BFAR: variants seen among roughly 807,000 people sequenced by gnomAD.
BFAR encodes RING finger protein 47.
Under a neutral mutation model 54.4 loss-of-function variants are expected in BFAR, and 52 were observed. The ratio of observed to expected loss-of-function variants is 0.96; its 90% CI spans 0.77 to 1.21. The LOEUF (loss-of-function observed/expected upper bound fraction) is 1.21. BFAR is among the 50% of genes most tolerant of loss of function. The probability of loss-of-function intolerance (pLI) is 0.00; values close to 1 mark genes in which losing one functional copy is unlikely to be tolerated. For missense variants in BFAR, 571 were observed against 534.0 expected (o/e 1.07, Z -0.68); for synonymous variants, 215 against 204.3 (o/e 1.05, Z -0.45).
intron 1 of BFAR, among the ~76,000 whole-genome samples, chr16:14,633,970 A>T (rs944747949): frequency 3.9e-5 from 6 of 152,198 alleles, no homozygotes; most frequent in East Asian, 3.9e-4. Context: ...GTCTTTTATT[A>T]AAAAAGCCGG....
At chr16:14,656,256 G>A (rs947305385) in intron 5 of BFAR, among the ~76,000 whole-genome samples, 3 of 152,050 alleles carry the variant, frequency 2.0e-5, no homozygotes, top group Admixed American at 1.3e-4. Flanking sequence ...GCTGGGCATG[G>A]TGGTTCACAA....
chr16:14,641,583 C>T (rs1030070484), intron 1 of BFAR, among the ~76,000 whole-genome samples: 11 of 150,924 alleles, frequency 7.3e-5, no homozygotes, highest in Admixed American at 6.0e-4. Flanking sequence ...CTATAGAGGC[C>T]GGACATGGTG....
chr16:14,654,927 C>T (rs998903037), intron 4 of BFAR, 139 bp from the exon 5 acceptor site: 3 of 874,184 alleles, frequency 3.4e-6, no homozygotes, highest in Admixed American at 2.8e-5. Flanking sequence ...TTATTTGCTG[C>T]TCTTGATGTT....
At chr16:14,656,037 C>T (rs1019719014) in intron 5 of BFAR, among the ~76,000 whole-genome samples, 1 of 151,968 alleles carries the variant, frequency 6.6e-6, no homozygotes, top group African/African-American at 2.4e-5. Flanking sequence ...TGGTGAAACC[C>T]CGTCTCTACT....
At chr16:14,642,013 T>A (rs919048596) in intron 1 of BFAR, among the ~76,000 whole-genome samples, 10 of 152,154 alleles carry the variant, frequency 6.6e-5, no homozygotes, top group Admixed American at 2.0e-4. Context: ...CTCATCTATA[T>A]GGTGAGCAAG....
chr16:14,636,116 C>T (rs576562689), intron 1 of BFAR, among the ~76,000 whole-genome samples: 2 of 152,284 alleles, frequency 1.3e-5, no homozygotes, highest in African/African-American at 4.8e-5. Flanking sequence ...CAGGAATGGA[C>T]CTGGAGTGTC....
At chr16:14,658,994 A>C (rs1216831001) in intron 5 of BFAR, among the ~76,000 whole-genome samples, 5 of 149,684 alleles carry the variant, frequency 3.3e-5, no homozygotes, top group African/African-American at 4.9e-5. Context: ...TGCAAACTCC[A>C]CCTCCCAGGT....
At chr16:14,659,036 T>G (rs999788429) in intron 5 of BFAR, among the ~76,000 whole-genome samples, 3 of 150,792 alleles carry the variant, frequency 2.0e-5, no homozygotes, top group African/African-American at 7.3e-5. Flanking sequence ...GCCTCCTGAG[T>G]AGCTGGGACT....
intron 3 of BFAR, among the ~76,000 whole-genome samples, chr16:14,648,942 C>A (rs1490270108): frequency 2.6e-5 from 4 of 151,758 alleles, no homozygotes; most frequent in Non-Finnish European, 5.9e-5. Flanking sequence ...TAAAAACTTT[C>A]TTTTAGGGTG....
chr16:14,646,791 C>G (rs1158697491), intron 2 of BFAR, among the ~76,000 whole-genome samples: 1 of 152,206 alleles, frequency 6.6e-6, no homozygotes, highest in African/African-American at 2.4e-5. Flanking sequence ...AGCCCCCGCG[C>G]CCAGCCTCTT....
At chr16:14,634,711 C>T (rs1056507934) in intron 1 of BFAR, among the ~76,000 whole-genome samples, 1 of 152,138 alleles carries the variant, frequency 6.6e-6, no homozygotes, top group East Asian at 1.9e-4. Context: ...TCGAAGTTGA[C>T]ATGATTATCC....
At chr16:14,636,596 G>T (rs1049012582) in intron 1 of BFAR, among the ~76,000 whole-genome samples, 2 of 152,202 alleles carry the variant, frequency 1.3e-5, no homozygotes, top group African/African-American at 4.8e-5. Flanking sequence ...CCATTGCCCA[G>T]GGACGGGCAG....
chr16:14,664,897 G>A lies in BFAR; in HGVS notation c.986G>A (p.Trp329Ter). The change falls in exon 7 of 8, where the codon TGG becomes TAG. Residue 329 changes from tryptophan to a stop codon, truncating the protein, a stop_gained. Coordinates refer to ENST00000261658, the MANE Select transcript of BFAR (RefSeq NM_016561.3). LOFTEE classifies it high-confidence loss of function. Reference protein sequence around the residue: ...LDLKEPTWKQWREFLVKYSFL... With the variant: ...LDLKEPTWKQ ...CTTAAGGAGCCTACGTGGAAGCAGT[G>A]GAGAGAGTTCCTGGTCAAATACTCC... 2 of 1,614,084 alleles carry A rather than the reference G, an allele frequency of 1.2e-6. No homozygotes were observed. Among genetic ancestry groups the A allele is most frequent in the East Asian group, 2.2e-5 (1 of 44,884 alleles).
intron 1 of BFAR, among the ~76,000 whole-genome samples, chr16:14,637,499 A>T (rs987238683): frequency 8.5e-5 from 13 of 152,134 alleles, no homozygotes; most frequent in Non-Finnish European, 1.9e-4. Context: ...TGCTTATTCC[A>T]TATGATTGTT....
At chr16:14,650,793 CTA>C (rs1259178262) in intron 4 of BFAR, among the ~76,000 whole-genome samples, 3 of 152,116 alleles carry the variant, frequency 2.0e-5, no homozygotes, top group Non-Finnish European at 4.4e-5. Context: ...AATAATGATG[CTA>C]TGATCGTTCA....
intron 4 of BFAR, among the ~76,000 whole-genome samples, chr16:14,653,967 C>T (rs1242791794): frequency 6.7e-6 from 1 of 150,268 alleles, no homozygotes; most frequent in Non-Finnish European, 1.5e-5. Context: ...TACCAAAGTA[C>T]TGGGATTATA....
chr16:14,635,805 T>C (rs1959415172), intron 1 of BFAR, among the ~76,000 whole-genome samples: 1 of 152,188 alleles, frequency 6.6e-6, no homozygotes, highest in African/African-American at 2.4e-5. Context: ...CTAATTTTAA[T>C]ATTTTTAGTA....
In BFAR at chr16:14,667,976, T is replaced by C. The variant is rs1293391621; in HGVS notation, c.*149T>C. The C allele has an allele frequency of 5.0e-6, 4 of 798,436 alleles. No individual in the cohort carries two copies. In the East Asian group the frequency reaches 1.0e-4, roughly 21 times the overall value. The allele number at this position is 798,436 out of a possible 1,614,324, so 49.5% of individuals were successfully genotyped here. ...TATATCAAAAGCTCCAACCATGTCC[T>C]CTCCCCCTCAGCCTGTGGGTGGCAC... On this transcript the variant is annotated 3_prime_UTR_variant, in exon 8 of 8. Transcript: ENST00000261658.
intron 1 of BFAR, among the ~76,000 whole-genome samples, chr16:14,642,408 G>A (rs1041722846): frequency 6.6e-6 from 1 of 152,074 alleles, no homozygotes; most frequent in African/African-American, 2.4e-5. Context: ...ACTTGGGGGA[G>A]TTAAGAGTCC....
Sources: allele counts gnomAD v4.1 joint callset (sites outside exome capture counted in the v4.1 genomes callset), GRCh38; gene constraint gnomAD v4.1.1; transcripts MANE v1.5; gene names NCBI Gene and HGNC (gene_info 2026-07-23, HGNC 2026-07-21).